Variants in PAPPA2 observed in about 807,000 individuals in gnomAD.
PAPPA2 encodes pappalysin 2.
PAPPA2 carries 86 observed loss-of-function variants against 176.4 expected under a neutral mutation model. The observed-to-expected ratio is 0.49, with a 90% CI of 0.41 to 0.58. The LOEUF (loss-of-function observed/expected upper bound fraction) is 0.58, where lower values mean the gene tolerates loss of function less well. Ranked by LOEUF, PAPPA2 falls within the 20% of genes least tolerant of loss-of-function variation. The pLI is 0.00. For synonymous variants in PAPPA2, 809 were observed against 852.2 expected (o/e 0.95, Z 0.88); for missense variants, 2,073 against 2,256.9 (o/e 0.92, Z 1.65).
intron 3 of PAPPA2, among the ~76,000 whole-genome samples, chr1:176,626,035 T>A (rs927371061): frequency 2.0e-5 from 3 of 151,908 alleles, no homozygotes; most frequent in African/African-American, 7.3e-5. Flanking sequence ...AAAAGATTTG[T>A]AAAAATTAAA....
At chr1:176,592,762 G>C (rs1653740539) in intron 2 of PAPPA2, among the ~76,000 whole-genome samples, 1 of 152,202 alleles carries the variant, frequency 6.6e-6, no homozygotes, top group Non-Finnish European at 1.5e-5. Context: ...ATAGCTGATA[G>C]ATTAGTAACT....
intron 21 of PAPPA2, among the ~76,000 whole-genome samples, chr1:176,825,773 G>A (rs1666838565): frequency 6.6e-6 from 1 of 152,154 alleles, no homozygotes; most frequent in African/African-American, 2.4e-5. Context: ...AAGGTAAATG[G>A]TAAGATCCCT....
chr1:176,714,658 G>T (rs1014460873), intron 12 of PAPPA2, among the ~76,000 whole-genome samples: 1 of 152,166 alleles, frequency 6.6e-6, no homozygotes, highest in East Asian at 1.9e-4. Context: ...ATGGCCAAAA[G>T]TAATAATGTG....
At chr1:176,712,064 G>GAA in intron 12 of PAPPA2, 83 bp downstream of exon 12, 1 of 1,448,400 alleles carries the variant, frequency 6.9e-7, no homozygotes, top group Admixed American at 2.1e-5. Flanking sequence ...TGTGTAAATG[G>GAA]TGCATTTGGA....
intron 3 of PAPPA2, among the ~76,000 whole-genome samples, chr1:176,635,141 TA>T (rs1656622316): frequency 6.6e-6 from 1 of 152,172 alleles, no homozygotes; most frequent in Non-Finnish European, 1.5e-5. Context: ...ACCTGACTGC[TA>T]TAGGCAGAAG....
chr1:176,765,491 C>G (rs1218839919), intron 14 of PAPPA2, among the ~76,000 whole-genome samples, 175 bp from the exon 15 acceptor site: 1 of 152,120 alleles, frequency 6.6e-6, no homozygotes, highest in Non-Finnish European at 1.5e-5. Context: ...GTTTTTATGT[C>G]TATTATGCTG....
Position 176,844,665 on chromosome 1 carries a change from ACT to A in PAPPA2, c.*2214_*2215del, listed in dbSNP as rs1451470353. The A allele has an allele frequency of 7.2e-5, 11 of 152,100 alleles. No homozygotes were observed. The highest frequency in any genetic ancestry group is 1.3e-4 in the Admixed American group (2 of 15,266). The allele number at this position is 152,100 out of a possible 1,614,324, so 9.4% of individuals were successfully genotyped here. A position where few individuals can be genotyped will look rare whatever the true frequency, so the allele number is the denominator to read the frequency against. On this transcript the variant is annotated 3_prime_UTR_variant, in exon 23 of 23. Transcript: ENST00000367662. ...CAAAGGACAATGGAAAAGTTTAGAC[ACT>A]CTATTTTCAAAATTTTATAAACTTG...
chr1:176,563,428 C>T (rs1651784277), intron 2 of PAPPA2, among the ~76,000 whole-genome samples: 1 of 152,140 alleles, frequency 6.6e-6, no homozygotes, highest in Non-Finnish European at 1.5e-5. Flanking sequence ...GGGGTTGGCA[C>T]ATTATGGCCT....
intron 21 of PAPPA2, among the ~76,000 whole-genome samples, chr1:176,808,490 A>G (rs946513078): frequency 1.3e-5 from 2 of 152,242 alleles, no homozygotes; most frequent in African/African-American, 4.8e-5. Context: ...TAGAAGTCAG[A>G]AGATCTGACA....
At chr1:176,697,862 T>A (rs1660455835) in intron 7 of PAPPA2, among the ~76,000 whole-genome samples, 1 of 152,226 alleles carries the variant, frequency 6.6e-6, no homozygotes, top group Admixed American at 6.5e-5. Context: ...CTATCTCTAA[T>A]ACCTAGATTA....
chr1:176,834,957 G>A (rs1163932111), intron 21 of PAPPA2, among the ~76,000 whole-genome samples: 1 of 152,116 alleles, frequency 6.6e-6, no homozygotes, highest in Non-Finnish European at 1.5e-5. Context: ...GGCCACAAAA[G>A]TGAAAATTCA....
At chr1:176,577,065 G>GA (rs1023076843) in intron 2 of PAPPA2, among the ~76,000 whole-genome samples, 1 of 152,134 alleles carries the variant, frequency 6.6e-6, no homozygotes, top group Admixed American at 6.5e-5. Context: ...TGGTGCTTCT[G>GA]ATTTAGCTCC....
At chr1:176,706,220 G>C in intron 9 of PAPPA2, 139 bp from the exon 10 acceptor site, 1 of 640,470 alleles carries the variant, frequency 1.6e-6, no homozygotes, top group South Asian at 2.0e-5. Flanking sequence ...TTCTGTAAAA[G>C]CATTCTTCTA....
In PAPPA2 at chr1:176,637,063, A is replaced by G. The variant is rs367826203; in HGVS notation, c.1992-33907A>G. Among the ~76,000 whole-genome samples, 38 of 152,262 alleles carry G rather than the reference A, an allele frequency of 2.5e-4. No homozygotes were observed. The East Asian group carries it at 2.9e-3, about 12-fold the overall frequency. On this transcript the variant is annotated intron_variant, in intron 3 of 22. Coordinates refer to ENST00000367662, the MANE Select transcript of PAPPA2 (RefSeq NM_020318.3). ...ATCTTATCTGGATATTGAGGAATCA[A>G]TAAGACTTGGTAAGGGGAGGAGTAG...
chr1:176,468,874 G>A (rs1226682125), intron 1 of PAPPA2, among the ~76,000 whole-genome samples: 2 of 152,138 alleles, frequency 1.3e-5, no homozygotes, highest in East Asian at 3.8e-4. Context: ...CAATAAATAA[G>A]AATACTATGT....
chr1:176,729,802 A>G (rs1188368722), intron 12 of PAPPA2, among the ~76,000 whole-genome samples: 1 of 152,094 alleles, frequency 6.6e-6, no homozygotes, highest in African/African-American at 2.4e-5. Context: ...CCAATTTTAG[A>G]TTTGAAATTT....
intron 3 of PAPPA2, among the ~76,000 whole-genome samples, chr1:176,601,170 C>T (rs1419350810): frequency 6.6e-6 from 1 of 152,238 alleles, no homozygotes; most frequent in Non-Finnish European, 1.5e-5. Context: ...GAGTTTGCTA[C>T]CCCTCTGTCA....
At chr1:176,702,478 A>C in intron 8 of PAPPA2, 129 bp from the exon 9 acceptor site, 1 of 1,330,208 alleles carries the variant, frequency 7.5e-7, no homozygotes, top group Non-Finnish European at 1.0e-6. Context: ...GTTTTAGACA[A>C]TGCAGCGTAT....
At chr1:176,547,041 G>C (rs1186363828) in intron 1 of PAPPA2, among the ~76,000 whole-genome samples, 2 of 152,138 alleles carry the variant, frequency 1.3e-5, no homozygotes, top group African/African-American at 4.8e-5. Flanking sequence ...GAAGTTTTCT[G>C]GTAAAAGTTA....
Sources: gnomAD v4.1 joint callset for allele counts (sites outside exome capture counted in the v4.1 genomes callset) on GRCh38, gnomAD v4.1.1 for gene constraint, MANE v1.5 for transcripts, NCBI Gene and HGNC (gene_info 2026-07-23, HGNC 2026-07-21) for gene names.